NR1D2: variants seen among roughly 807,000 people sequenced by gnomAD.
NR1D2 encodes nuclear receptor subfamily 1 group D member 2.
In NR1D2, 25 loss-of-function variants were observed where a neutral mutation model predicts 52.2. The ratio of observed to expected loss-of-function variants is 0.48; its 90% CI spans 0.35 to 0.67. The LOEUF is 0.67. Among genes scored for constraint, NR1D2 ranks in the 30% least tolerant of loss-of-function variants. The pLI is 0.01. For missense variants in NR1D2, 681 were observed against 707.2 expected, an observed-to-expected ratio of 0.96 and a Z score of 0.42; for synonymous variants, 259 against 230.1, an observed-to-expected ratio of 1.13 and a Z score of -1.14.
chr3:23,954,392 AC>A (rs2125285296), intron 1 of NR1D2, 144 bp from the exon 2 acceptor site: 1 of 695,796 alleles, frequency 1.4e-6, no homozygotes, highest in Non-Finnish European at 2.4e-6. Context: ...ATAAGGAAAT[AC>A]TTTATTTTTT....
Position 23,967,812 on chromosome 3 carries a change from G to C in NR1D2, c.1333-1G>C. On this transcript the variant is annotated splice_acceptor_variant, in intron 6 of 7. Transcript: ENST00000312521. LOFTEE classifies it high-confidence loss of function. ...AAATACATTTCTTTTTCTTTTTCCA[G>C]GTTTTAATGGTACGGTTCGCATCAT... The C allele has an allele frequency of 6.2e-7, 1 of 1,608,184 alleles. No homozygotes were observed. The highest frequency in any genetic ancestry group is 8.5e-7 in the Non-Finnish European group (1 of 1,177,030).
chr3:23,975,159 C>T (rs916573091), intron 7 of NR1D2, among the ~76,000 whole-genome samples: 1 of 152,044 alleles, frequency 6.6e-6, no homozygotes, highest in African/African-American at 2.4e-5. Flanking sequence ...CTCGCTCTGT[C>T]ACCCAGACTG....
intron 4 of NR1D2, 197 bp downstream of exon 4, chr3:23,960,012 T>C: frequency 5.1e-6 from 2 of 395,398 alleles, no homozygotes; most frequent in Non-Finnish European, 8.7e-6. Context: ...AAACAGTTTT[T>C]GGCTAAACTT....
At chr3:23,975,604 C>T (rs7644281) in intron 7 of NR1D2, among the ~76,000 whole-genome samples, 151,546 of 152,162 alleles carry the variant, frequency 1, 75,467 homozygotes, top group Middle Eastern at 1. Flanking sequence ...ACTAAAAATA[C>T]GAAAATGAGC....
At chr3:23,954,988 C>T (rs903783841) in intron 2 of NR1D2, among the ~76,000 whole-genome samples, 185 bp downstream of exon 2, 2 of 152,176 alleles carry the variant, frequency 1.3e-5, no homozygotes, top group Non-Finnish European at 1.5e-5. Context: ...TAGGGGCTGT[C>T]ATTAATTCTT....
chr3:23,957,162 T>C (rs1020469021), intron 3 of NR1D2, among the ~76,000 whole-genome samples: 2 of 151,808 alleles, frequency 1.3e-5, no homozygotes, highest in African/African-American at 4.8e-5. Context: ...TTTGTATTTT[T>C]AGTAGATTCG....
chr3:23,962,337 A>G lies in NR1D2; in HGVS notation c.878A>G (p.Gln293Arg), dbSNP rs1325291864. 6.2e-7 allele frequency: 1 copy of G among 1,614,184 alleles called. No individual in the cohort carries two copies. Among genetic ancestry groups the G allele is most frequent in the Admixed American group, 1.7e-5 (1 of 60,024 alleles). ...GAACGGATTCCCAAGAACATGGAGC[A>G]ATATAATTTAAATCATGATCATTGC... is the stretch of plus-strand genomic sequence containing the variant. ...RGERIPKNME[Q>R]YNLNHDHCGN... Residue 293 changes from glutamine (Q) to arginine (R), a missense_variant, in exon 5 of 8, where the codon CAA (glutamine) becomes CGA (arginine). Gln to Arg is a conservative substitution (Grantham distance 43). Around this residue, in one of 3 missense-constraint regions of NR1D2, gnomAD observed 475 missense variants for 454.5 expected, o/e 1.05. Transcript: ENST00000312521.
At chr3:23,955,390 T>A (rs1307285951) in intron 2 of NR1D2, among the ~76,000 whole-genome samples, 1 of 152,190 alleles carries the variant, frequency 6.6e-6, no homozygotes, top group African/African-American at 2.4e-5. Context: ...ATAAAGTAAC[T>A]CTAAATTTAC....
intron 6 of NR1D2, among the ~76,000 whole-genome samples, chr3:23,967,253 G>T (rs1706471569): frequency 6.6e-6 from 1 of 152,036 alleles, no homozygotes; most frequent in Non-Finnish European, 1.5e-5. Context: ...AACCCAGGAG[G>T]CAGAGGTTGC....
Position 23,962,202 on chromosome 3 carries a change from T to G in NR1D2, c.743T>G (p.Phe248Cys), listed in dbSNP as rs1428688115. The G allele has an allele frequency of 6.2e-7, 1 of 1,614,114 alleles. No homozygotes were observed. The change falls in exon 5 of 8, where the codon TTT becomes TGT. Residue 248 changes from phenylalanine to cysteine, a missense_variant. Coordinates refer to ENST00000312521, the MANE Select transcript of NR1D2 (RefSeq NM_005126.5). ...IKSSSPPSSDFAKEEVIGMVT... is the reference protein window; with the variant it reads ...IKSSSPPSSDCAKEEVIGMVT... ...AGCTCTTCTCCTCCATCTTCTGATT[T>G]TGCAAAGGAAGAAGTGATTGGCATG...
rs2125302239 is a variant in NR1D2 at position 23,979,622 on chromosome 3, T to G, written c.*2203T>G. 1 of 152,248 alleles carries G rather than the reference T, an allele frequency of 6.6e-6. No individual in the cohort carries two copies. The highest frequency in any genetic ancestry group is 3.4e-3 in the Middle Eastern group (1 of 294). The allele number at this position is 152,248 out of a possible 1,614,324, so 9.4% of individuals were successfully genotyped here. On this transcript the variant is annotated 3_prime_UTR_variant, in exon 8 of 8. Coordinates refer to ENST00000312521, the MANE Select transcript of NR1D2 (RefSeq NM_005126.5). ...CTTGTAAAATTTTATTTGAATAAAT[T>G]CTTCCTGTAGGTAATGGGAAACAAA...
At chr3:23,973,219 G>A (rs113323392) in intron 7 of NR1D2, among the ~76,000 whole-genome samples, 5 of 152,244 alleles carry the variant, frequency 3.3e-5, no homozygotes, top group African/African-American at 4.8e-5. Context: ...AGAGTCATGC[G>A]TCGCTTAATG....
chr3:23,970,431 T>A (rs1174838263), intron 7 of NR1D2, among the ~76,000 whole-genome samples: 5 of 152,190 alleles, frequency 3.3e-5, no homozygotes, highest in Non-Finnish European at 5.9e-5. Flanking sequence ...GATTATAAAT[T>A]TAATATGGGT....
chr3:23,975,628 G>A (rs1575162119), intron 7 of NR1D2, among the ~76,000 whole-genome samples: 1 of 151,964 alleles, frequency 6.6e-6, no homozygotes, highest in Non-Finnish European at 1.5e-5. Flanking sequence ...GTGTGGTGGT[G>A]GGTGCCTGTA....
chr3:23,946,851 G>T (rs1705741014), intron 1 of NR1D2, among the ~76,000 whole-genome samples: 1 of 152,186 alleles, frequency 6.6e-6, no homozygotes, highest in Non-Finnish European at 1.5e-5. Flanking sequence ...TGCCCCAAAT[G>T]ATGAGGTAGA....
intron 7 of NR1D2, among the ~76,000 whole-genome samples, chr3:23,968,620 T>A (rs1233942746): frequency 6.6e-6 from 1 of 152,218 alleles, no homozygotes; most frequent in African/African-American, 2.4e-5. Context: ...CAGTCACTGT[T>A]TGAATGAGTG....
At chr3:23,971,303 A>ATTTTTTTTT (rs11457044) in intron 7 of NR1D2, among the ~76,000 whole-genome samples, 6 of 123,116 alleles carry the variant, frequency 4.9e-5, no homozygotes, top group African/African-American at 1.9e-4. Context: ...CTCTATACCT[A>ATTTTTTTTT]TTTTTTTTTT....
Position 23,962,468 on chromosome 3 carries a change from T to G in NR1D2, c.1009T>G (p.Cys337Gly), listed in dbSNP as rs150492655. The G allele has an allele frequency of 4.6e-5, 74 of 1,614,238 alleles. No individual in the cohort carries two copies. In the African/African-American group the frequency reaches 9.7e-4, roughly 21 times the overall value. The change falls in exon 5 of 8, where the codon TGT becomes GGT. Residue 337 changes from cysteine (C) to glycine (G), a missense_variant. By Grantham distance (159) the Cys-to-Gly change is radical (BLOSUM62 -3). This residue lies in a region of NR1D2 where 475 missense variants were observed against 454.5 expected (regional missense o/e 1.05). Transcript: ENST00000312521. ...IMHYPNGHAI[C>G]IANGHCMNFS... Reference sequence around the variant, plus strand: ...GCATTACCCAAATGGTCATGCCATTTGTATTGCAAATGGACATTGTATGAA... The same window carrying G: ...GCATTACCCAAATGGTCATGCCATTGGTATTGCAAATGGACATTGTATGAA...
intron 1 of NR1D2, among the ~76,000 whole-genome samples, chr3:23,954,254 C>T (rs1037580088): frequency 2.0e-5 from 3 of 152,188 alleles, no homozygotes; most frequent in African/African-American, 7.2e-5. Context: ...AGCGACAATC[C>T]TCCCACCTCA....
Sources: allele counts gnomAD v4.1 joint callset (sites outside exome capture counted in the v4.1 genomes callset), GRCh38; gene constraint gnomAD v4.1.1; regional missense constraint gnomAD v4.1.1; transcripts MANE v1.5; gene names NCBI Gene and HGNC (gene_info 2026-07-23, HGNC 2026-07-21).